Variants in SDK2 observed in about 807,000 individuals in gnomAD.
SDK2 encodes protein sidekick-2.
In SDK2, 105 loss-of-function variants were observed where a neutral mutation model predicts 253.9. The observed-to-expected ratio is 0.41, with a 90% CI of 0.35 to 0.49. SDK2 has a LOEUF of 0.49. Ranked by LOEUF, SDK2 falls within the 20% of genes least tolerant of loss-of-function variation. SDK2 has a pLI of 0.06. For synonymous variants in SDK2, 1,249 were observed against 1,234.9 expected, an observed-to-expected ratio of 1.01 and a Z score of -0.24; for missense variants, 2,608 against 3,003.0, an observed-to-expected ratio of 0.87 and a Z score of 3.07.
chr17:73,367,516 T>C (rs1354101883), intron 37 of SDK2, among the ~76,000 whole-genome samples: 1 of 151,588 alleles, frequency 6.6e-6, no homozygotes, highest in Non-Finnish European at 1.5e-5. Flanking sequence ...TTTTTTTTTT[T>C]TGGGACAGAG....
chr17:73,384,232 A>T (rs1450732615), intron 32 of SDK2, among the ~76,000 whole-genome samples: 3 of 152,158 alleles, frequency 2.0e-5, no homozygotes, highest in East Asian at 1.9e-4. Context: ...AGGAATCAGT[A>T]ATCGCCTTTT....
intron 44 of SDK2, among the ~76,000 whole-genome samples, chr17:73,347,127 T>C (rs566634147): frequency 4.6e-5 from 7 of 152,266 alleles, no homozygotes; most frequent in Middle Eastern, 3.4e-3. Context: ...TTTGGGAGGC[T>C]GAGGCGGGGG....
chr17:73,513,310 G>C (rs1203274108), intron 1 of SDK2, among the ~76,000 whole-genome samples: 1 of 152,210 alleles, frequency 6.6e-6, no homozygotes, highest in Non-Finnish European at 1.5e-5. Flanking sequence ...CAAAGGATAT[G>C]AAGTTCGCAG....
At chr17:73,519,016 C>G (rs929553265) in intron 1 of SDK2, 4 of 152,270 alleles carry the variant, frequency 2.6e-5, no homozygotes, top group African/African-American at 9.7e-5. Context: ...TGCCCATCCC[C>G]TAAGCCTGGG....
chr17:73,504,370 GT>G (rs1188931933), intron 2 of SDK2: 1 of 151,940 alleles, frequency 6.6e-6, no homozygotes, highest in Non-Finnish European at 1.5e-5. Context: ...GCTCACGCCT[GT>G]AATTCCAGCA....
At chr17:73,596,294 G>T (rs917853648) in intron 1 of SDK2, among the ~76,000 whole-genome samples, 1 of 152,072 alleles carries the variant, frequency 6.6e-6, no homozygotes, top group Non-Finnish European at 1.5e-5. Context: ...AGTGATCAGG[G>T]CAAGGTGTCA....
In SDK2 at chr17:73,561,330, G is replaced by A. The variant is rs1310160136; in HGVS notation, c.65-53733C>T. ...CAGCACAGATGATGACGAGACCTAGGGGGAAGTGGGAGGTAGAGAGGAAAG... is the reference window on the plus strand; with the variant it reads ...CAGCACAGATGATGACGAGACCTAGAGGGAAGTGGGAGGTAGAGAGGAAAG... On this transcript the variant is annotated intron_variant, in intron 1 of 44. Coordinates refer to ENST00000392650, the MANE Select transcript of SDK2 (RefSeq NM_001144952.2). 2.0e-5 allele frequency among the ~76,000 whole-genome samples: 3 copies of A among 152,202 alleles called. No individual in the cohort carries two copies. The East Asian group carries it at 5.8e-4, about 29-fold the overall frequency.
At position 73,352,822 on chromosome 17, in the gene SDK2, T is replaced by A. The variant is rs569187279; in HGVS notation, c.5594-185A>T. Among the ~76,000 whole-genome samples, 1 of 152,332 alleles carries A rather than the reference T, an allele frequency of 6.6e-6. No homozygotes were observed. The highest frequency in any genetic ancestry group is 6.5e-5 in the Admixed American group (1 of 15,296). ...AAGACAACTTTCGGGCCAAGCACGG[T>A]GGCTCATGCCTGTAATTCCAGCACT... On this transcript the variant is annotated intron_variant, in intron 40 of 44. Coordinates refer to ENST00000392650, the MANE Select transcript of SDK2 (RefSeq NM_001144952.2). The surrounding 1 kb of genome is among the most constrained non-coding windows in gnomAD (Gnocchi z 4.1).
chr17:73,509,312 G>A (rs991762730), intron 1 of SDK2, among the ~76,000 whole-genome samples: 1 of 152,170 alleles, frequency 6.6e-6, no homozygotes. Context: ...CCGGCCCAGA[G>A]TACATGTTCT....
chr17:73,538,366 G>C (rs924362274), intron 1 of SDK2, among the ~76,000 whole-genome samples: 1 of 152,058 alleles, frequency 6.6e-6, no homozygotes, highest in Admixed American at 6.5e-5. Context: ...CCCCTTACCA[G>C]CTTTCCCTGG....
intron 33 of SDK2, among the ~76,000 whole-genome samples, chr17:73,382,218 C>CAA (rs34453546): frequency 7.9e-5 from 10 of 126,714 alleles, no homozygotes; most frequent in African/African-American, 2.2e-4. Flanking sequence ...AACTCCATTT[C>CAA]AAAAAAAAAA....
chr17:73,490,012 C>T (rs2063795019), intron 2 of SDK2, among the ~76,000 whole-genome samples: 1 of 152,222 alleles, frequency 6.6e-6, no homozygotes, highest in South Asian at 2.1e-4. Flanking sequence ...GAACCTGCCA[C>T]GTGGCCCTGG....
intron 1 of SDK2, among the ~76,000 whole-genome samples, chr17:73,565,224 G>A (rs2045295595): frequency 6.6e-6 from 1 of 152,174 alleles, no homozygotes; most frequent in Admixed American, 6.5e-5. Flanking sequence ...GAGGAGACCT[G>A]AATTCTGTAT....
chr17:73,485,598 T>A (rs1320764550), intron 2 of SDK2, among the ~76,000 whole-genome samples: 1 of 152,218 alleles, frequency 6.6e-6, no homozygotes, highest in Non-Finnish European at 1.5e-5. Flanking sequence ...GGGTCAAATC[T>A]ACAGCCACAG....
intron 13 of SDK2, 101 bp downstream of exon 13, chr17:73,423,815 C>T (rs912865748): frequency 2.7e-5 from 26 of 976,154 alleles, no homozygotes; most frequent in Admixed American, 1.1e-4. Context: ...TCAGGTCACA[C>T]GTGGCCTGGG....
chr17:73,512,031 G>A (rs980932333), intron 1 of SDK2, among the ~76,000 whole-genome samples: 10 of 152,120 alleles, frequency 6.6e-5, no homozygotes, highest in African/African-American at 2.2e-4. Flanking sequence ...GTTCAAGTAT[G>A]TGTGTCTGTG....
rs114073211 is a variant in SDK2 at position 73,569,524 on chromosome 17, T to G, written c.65-61927A>C. On this transcript the variant is annotated intron_variant, in intron 1 of 44. Transcript: ENST00000392650. ...CATGTTATTTTGTATTCGTGCCTAT[T>G]AACCCTTGCAGCACATTGGAATCAC... Among the ~76,000 whole-genome samples, 765 of 151,160 alleles carry G rather than the reference T, an allele frequency of 5.1e-3. 3 individuals carry two copies. The highest frequency in any genetic ancestry group is 0.017 in the African/African-American group (714 of 41,268).
At position 73,399,205 on chromosome 17, in the gene SDK2, C is replaced by A; in HGVS notation, c.3056G>T (p.Gly1019Val). The A allele has an allele frequency of 6.2e-7, 1 of 1,613,906 alleles. No homozygotes were observed. ...CAGCCAGCGGGAGATGGAGGTTTTC[C>A]CATCGTAGCCTGGCCTGAACTGCAA... ...VTLQFRPGYDGKTSISRWLVE... is the reference protein window; with the variant it reads ...VTLQFRPGYDVKTSISRWLVE... Residue 1019 changes from glycine (G) to valine (V), a missense_variant, in exon 22 of 45, where the codon GGG becomes GTG. Around this residue, in one of 2 missense-constraint regions of SDK2, gnomAD observed 1,505 missense variants for 1,859.1 expected, o/e 0.81. Transcript: ENST00000392650.
intron 1 of SDK2, among the ~76,000 whole-genome samples, chr17:73,542,942 G>C (rs1344268177): frequency 6.6e-6 from 1 of 152,174 alleles, no homozygotes. Flanking sequence ...CCTGGAGAGC[G>C]AGACTCGGAT....
Sources: allele counts gnomAD v4.1 joint callset (sites outside exome capture counted in the v4.1 genomes callset), GRCh38; gene constraint gnomAD v4.1.1; regional missense constraint gnomAD v4.1.1; non-coding constraint Gnocchi (gnomAD v3.1); transcripts MANE v1.5; gene names NCBI Gene and HGNC (gene_info 2026-07-23, HGNC 2026-07-21).